The following MAP4K2 variants were observed in gnomAD, a reference collection of about 807,000 sequenced individuals.
MAP4K2 encodes B lymphocyte serine/threonine protein kinase.
A neutral mutation model predicts 125.3 loss-of-function variants in MAP4K2; 85 were observed. That is an observed-to-expected ratio of 0.68 (90% CI 0.57 to 0.81). MAP4K2 has a LOEUF of 0.81. Among genes scored for constraint, MAP4K2 ranks in the 40% least tolerant of loss-of-function variants. MAP4K2 has a pLI of 0.00. For missense variants in MAP4K2, 923 were observed against 1,056.4 expected (o/e 0.87, Z 1.75); for synonymous variants, 479 against 445.1 (o/e 1.08, Z -0.96).
In MAP4K2 at chr11:64,796,158, C is replaced by A. The variant is rs1940782143; in HGVS notation, c.1751+115G>T. The A allele has an allele frequency of 3.2e-6, 3 of 926,398 alleles. No individual in the cohort carries two copies. In the East Asian group the frequency reaches 8.2e-5, roughly 25 times the overall value. 57.4% of individuals were successfully genotyped at this position (926,398 alleles called of 1,614,324 possible). ...TTGTATTGACAGAGGAGGAAACGGG[C>A]GCTCAGAGAGACAACACGTCTAAGA... On this transcript the variant is annotated intron_variant, in intron 24 of 31. Transcript: ENST00000294066.
intron 27 of MAP4K2, 109 bp downstream of exon 27, chr11:64,791,800 G>A (rs1048808579): frequency 8.2e-6 from 10 of 1,213,640 alleles, no homozygotes; most frequent in South Asian, 1.7e-5. Context: ...TCTCTGTGGA[G>A]CCACTGGCTG....
Position 64,801,562 on chromosome 11 carries a change from G to A in MAP4K2, c.457+17C>T. On this transcript the variant is annotated intron_variant, in intron 7 of 31. Coordinates refer to ENST00000294066, the MANE Select transcript of MAP4K2 (RefSeq NM_004579.5). ...TCCACAGAGCCCTCACCCTGATGGT[G>A]TCCCCAGGGTACTGACCCAGTTTGA... 2 of 1,613,646 alleles carry A rather than the reference G, an allele frequency of 1.2e-6. No individual in the cohort carries two copies. The highest frequency in any genetic ancestry group is 1.7e-6 in the Non-Finnish European group (2 of 1,179,680).
chr11:64,798,744 C>T, intron 15 of MAP4K2, 50 bp downstream of exon 15: 1 of 1,608,780 alleles, frequency 6.2e-7, no homozygotes, highest in Non-Finnish European at 8.5e-7. Flanking sequence ...CAGAGGTCAG[C>T]CTTTCTGCCG....
At position 64,789,934 on chromosome 11, in the gene MAP4K2, G is replaced by A; in HGVS notation, c.2274C>T (p.Ala758=). 1 of 1,613,694 alleles carries A rather than the reference G, an allele frequency of 6.2e-7. No individual in the cohort carries two copies. Among genetic ancestry groups the A allele is most frequent in the Non-Finnish European group, 8.5e-7 (1 of 1,179,972 alleles). The change falls in exon 30 of 32, where the codon GCC becomes GCT. Residue 758 remains alanine, a synonymous_variant. Coordinates refer to ENST00000294066, the MANE Select transcript of MAP4K2 (RefSeq NM_004579.5). ...GGCCTTGCATCCCATGGCTCCAGAA[G>A]GCCAGCACACTGTCCTGCAGGCACA... ...TVVCLQDSVL[A]FWSHGMQGRS...
Position 64,797,337 on chromosome 11 carries a change from G to A in MAP4K2, c.1214C>T (p.Ala405Val). ...PDDTMGTIKRAPFLGPLPTDP... is the reference protein window; with the variant it reads ...PDDTMGTIKRVPFLGPLPTDP... Reference sequence around the variant, plus strand: ...AGTGGGGAGTGGCCCTAGGAACGGGGCCCGCTTGATGGTTCCCATGGTATC... The same window carrying A: ...AGTGGGGAGTGGCCCTAGGAACGGGACCCGCTTGATGGTTCCCATGGTATC... Residue 405 changes from alanine to valine, a missense_variant, in exon 18 of 32, where the codon GCC (alanine) becomes GTC (valine). Ala to Val is a moderately conservative substitution (Grantham distance 64). Coordinates refer to ENST00000294066, the MANE Select transcript of MAP4K2 (RefSeq NM_004579.5). 6.3e-7 allele frequency: 1 copy of A among 1,599,902 alleles called. No homozygotes were observed. Among genetic ancestry groups the A allele is most frequent in the Non-Finnish European group, 8.5e-7 (1 of 1,173,356 alleles).
Position 64,790,454 on chromosome 11 carries a change from G to A in MAP4K2, c.2101C>T (p.Pro701Ser). 1 of 1,613,938 alleles carries A rather than the reference G, an allele frequency of 6.2e-7. No individual in the cohort carries two copies. The highest frequency in any genetic ancestry group is 1.1e-5 in the South Asian group (1 of 91,084). The change falls in exon 28 of 32, where the codon CCA (proline) becomes TCA (serine). Residue 701 changes from proline (P) to serine (S), a missense_variant. Physicochemically the swap from Pro to Ser is moderately conservative, Grantham distance 74. Transcript: ENST00000294066. The stretch of plus-strand genomic sequence containing the variant: ...TGGATCACCTGCTGGGCCGAGCCTG[G>A]GATCCCCTCTGCAGGCAGAGAAGAG... ...PDILIPPEGI[P>S]GSAQQVIQVD...
rs544777161 is a variant in MAP4K2, at chr11:64,787,701, G to A, written c.*1836C>T. On this transcript the variant is annotated 3_prime_UTR_variant, in exon 32 of 32. Transcript: ENST00000294066. Reference sequence around the variant, plus strand: ...CCCCCACTTTGGCAGTTTACACTCTGCAGTCCAAACCCCGTTTCCAGACTG... The same window carrying A: ...CCCCCACTTTGGCAGTTTACACTCTACAGTCCAAACCCCGTTTCCAGACTG... The A allele has an allele frequency of 1.3e-5, 2 of 152,308 alleles. No homozygotes were observed. Among genetic ancestry groups the A allele is most frequent in the Non-Finnish European group, 2.9e-5 (2 of 68,032 alleles). The allele number at this position is 152,308 out of a possible 1,614,324, so 9.4% of individuals were successfully genotyped here.
Position 64,800,193 on chromosome 11 carries a change from G to A in MAP4K2, c.831C>T (p.Leu277=), listed in dbSNP as rs1180673961. 1.9e-6 allele frequency: 3 copies of A among 1,613,262 alleles called. No homozygotes were observed. The highest frequency in any genetic ancestry group is 1.7e-5 in the Admixed American group (1 of 59,950). The change falls in exon 12 of 32, where the codon CTC becomes CTT. Residue 277 remains leucine (L), a synonymous_variant. Coordinates refer to ENST00000294066, the MANE Select transcript of MAP4K2 (RefSeq NM_004579.5). The part of the protein sequence containing the change: ...LLQHPFTTQQ[L]PRALLTQLLD... ...GCAGCTGTGTGAGGAGGGCCCGAGG[G>A]AGCTGCTGAGTCGTGAACGGGTGCT...
chr11:64,798,312 C>A (rs2136048336), intron 15 of MAP4K2, among the ~76,000 whole-genome samples: 1 of 152,154 alleles, frequency 6.6e-6, no homozygotes, highest in Middle Eastern at 3.4e-3. Context: ...ATTACAGGCG[C>A]CTGCCACCAC....
chr11:64,796,910 A>G lies in MAP4K2; in HGVS notation c.1408-17T>C, dbSNP rs2136045467. ...GGCGCCCATCTGCAGAGGAGGCAAG[A>G]GGCTGGCGAGGGAGTGCAGGGGTGG... On this transcript the variant is annotated splice_polypyrimidine_tract_variant and intron_variant, in intron 20 of 31. Coordinates refer to ENST00000294066, the MANE Select transcript of MAP4K2 (RefSeq NM_004579.5). 2 of 1,613,976 alleles carry G rather than the reference A, an allele frequency of 1.2e-6. No homozygotes were observed.
chr11:64,794,694 G>C (rs1156402893), intron 24 of MAP4K2, among the ~76,000 whole-genome samples: 2 of 151,994 alleles, frequency 1.3e-5, no homozygotes, highest in Non-Finnish European at 2.9e-5. Flanking sequence ...AGCTCACCAG[G>C]CTGCTCCGCC....
At position 64,787,689 on chromosome 11, in the gene MAP4K2, A is replaced by C. The variant is rs1446321639; in HGVS notation, c.*1848T>G. 1.3e-5 allele frequency: 2 copies of C among 152,172 alleles called. No individual in the cohort carries two copies. Among genetic ancestry groups the C allele is most frequent in the Non-Finnish European group, 2.9e-5 (2 of 68,026 alleles). 9.4% of individuals were successfully genotyped at this position (152,172 alleles called of 1,614,324 possible). Reference sequence around the variant, plus strand: ...TTTTATGGGAGGCCCCCACTTTGGCAGTTTACACTCTGCAGTCCAAACCCC... The same window carrying C: ...TTTTATGGGAGGCCCCCACTTTGGCCGTTTACACTCTGCAGTCCAAACCCC... On this transcript the variant is annotated 3_prime_UTR_variant, in exon 32 of 32. Coordinates refer to ENST00000294066, the MANE Select transcript of MAP4K2 (RefSeq NM_004579.5).
rs1288510564 is a variant in MAP4K2 at position 64,800,184 on chromosome 11, G to A, written c.840C>T (p.Ala280=). Residue 280 remains alanine, a synonymous_variant, in exon 12 of 32, where the codon GCC becomes GCT. Coordinates refer to ENST00000294066, the MANE Select transcript of MAP4K2 (RefSeq NM_004579.5). ...HPFTTQQLPR[A]LLTQLLDKAS... ...CTTTGTCCAGCAGCTGTGTGAGGAG[G>A]GCCCGAGGGAGCTGCTGAGTCGTGA... 8.1e-6 allele frequency: 13 copies of A among 1,613,362 alleles called. No individual in the cohort carries two copies. Among genetic ancestry groups the A allele is most frequent in the Non-Finnish European group, 1.1e-5 (13 of 1,179,806 alleles).
chr11:64,796,203 T>A (rs1034168448), intron 24 of MAP4K2, 70 bp downstream of exon 24: 1 of 1,356,670 alleles, frequency 7.4e-7, no homozygotes, highest in Non-Finnish European at 1.0e-6. Flanking sequence ...TCCCAGGAAC[T>A]GGCAAGGCCA....
rs926682182 is a variant in MAP4K2 at position 64,790,447 on chromosome 11, G to A, written c.2108C>T (p.Ser703Leu). ...GTCCACCTGGATCACCTGCTGGGCCGAGCCTGGGATCCCCTCTGCAGGCAG... is the reference window on the plus strand; with the variant it reads ...GTCCACCTGGATCACCTGCTGGGCCAAGCCTGGGATCCCCTCTGCAGGCAG... ...ILIPPEGIPGSAQQVIQVDRD... is the reference protein window; with the variant it reads ...ILIPPEGIPGLAQQVIQVDRD... Residue 703 changes from serine (S) to leucine (L), a missense_variant, in exon 28 of 32, where the codon TCG becomes TTG. By Grantham distance (145) the Ser-to-Leu change is moderately radical. This residue lies in a region of MAP4K2 where 833 missense variants were observed against 911.4 expected (regional missense o/e 0.91). Transcript: ENST00000294066. The A allele has an allele frequency of 3.1e-6, 5 of 1,614,028 alleles. No homozygotes were observed. Among genetic ancestry groups the A allele is most frequent in the South Asian group, 2.2e-5 (2 of 91,080 alleles).
At chr11:64,802,158 G>A (rs757522765) in intron 4 of MAP4K2, 37 bp from the exon 5 acceptor site, 2 of 1,588,722 alleles carry the variant, frequency 1.3e-6, no homozygotes, top group Non-Finnish European at 1.7e-6. Flanking sequence ...TGGGGGCCCG[G>A]GGGTCATGCC....
chr11:64,802,994 C>T lies in MAP4K2; in HGVS notation c.97-52G>A, dbSNP rs2136059998. On this transcript the variant is annotated intron_variant, in intron 1 of 31. Transcript: ENST00000294066. ...TGGGGGGCGGGGCCGGGGGCTAGAT[C>T]CTGCCGCGGGGTGCGGGGCTGGCAC... 1.9e-6 allele frequency: 3 copies of T among 1,566,808 alleles called. No homozygotes were observed. The East Asian group carries it at 7.2e-5, about 37-fold the overall frequency.
chr11:64,799,398 C>G, intron 14 of MAP4K2, 23 bp downstream of exon 14: 1 of 1,611,266 alleles, frequency 6.2e-7, no homozygotes, highest in Non-Finnish European at 8.5e-7. Flanking sequence ...GCACCACCTT[C>G]CCCTCAAGGC....
intron 24 of MAP4K2, among the ~76,000 whole-genome samples, chr11:64,793,659 G>A (rs770438384): frequency 6.6e-6 from 1 of 152,122 alleles, no homozygotes; most frequent in Non-Finnish European, 1.5e-5. Flanking sequence ...CACTGTCCCT[G>A]GTCCTCGTCC....
Sources: gnomAD v4.1 joint callset for allele counts (sites outside exome capture counted in the v4.1 genomes callset) on GRCh38, gnomAD v4.1.1 for gene constraint, gnomAD v4.1.1 regional missense constraint, MANE v1.5 for transcripts, NCBI Gene and HGNC (gene_info 2026-07-23, HGNC 2026-07-21) for gene names.